Variants in DIS3 observed in about 807,000 individuals in gnomAD.
The protein encoded by DIS3 is DIS3 exosome endoribonuclease and 3'-5' exoribonuclease.
In DIS3, 103 loss-of-function variants were observed where a neutral mutation model predicts 113.0. That is an observed-to-expected ratio of 0.91 (90% CI 0.78 to 1.07). The LOEUF (loss-of-function observed/expected upper bound fraction) is 1.07. DIS3 is among the 50% of genes least tolerant of loss of function. The pLI is 0.00. For missense variants in DIS3, 1,121 were observed against 1,167.1 expected (o/e 0.96, Z 0.58); for synonymous variants, 402 against 394.3 (o/e 1.02, Z -0.23).
intron 1 of DIS3, chr13:72,781,247 G>A (rs975779728): frequency 4.5e-6 from 7 of 1,546,534 alleles, no homozygotes; most frequent in Non-Finnish European, 5.2e-6. Flanking sequence ...ATTAATAAAG[G>A]AATACGTTGG....
Position 72,754,314 on chromosome 13 carries a change from C to CTTT in DIS3, c.*5478_*5480dup. ...GCCTTGTATGCCGTTTCTTTTTTTT[C>CTTT]TTTTTTTTTTTTTTTGAGACAGGGT... On this transcript the variant is annotated 3_prime_UTR_variant, in exon 21 of 21. Coordinates refer to ENST00000377767, the MANE Select transcript of DIS3 (RefSeq NM_014953.5). 1 of 140,640 alleles carries CTTT rather than the reference C, an allele frequency of 7.1e-6. No individual in the cohort carries two copies. The highest frequency in any genetic ancestry group is 1.5e-5 in the Non-Finnish European group (1 of 66,188). The allele number at this position is 140,640 out of a possible 1,614,324, so 8.7% of individuals were successfully genotyped here.
At chr13:72,777,368 C>T (rs573373486) in intron 4 of DIS3, 52 bp downstream of exon 4, 1 of 1,560,042 alleles carries the variant, frequency 6.4e-7, no homozygotes, top group Admixed American at 1.7e-5. Context: ...CCTAATATTC[C>T]AAAGTGGCTA....
intron 2 of DIS3, among the ~76,000 whole-genome samples, chr13:72,780,512 T>C (rs1362846894): frequency 1.3e-5 from 2 of 152,110 alleles, no homozygotes; most frequent in Non-Finnish European, 2.9e-5. Flanking sequence ...TCACATAATA[T>C]GGTATTCCAG....
Position 72,760,616 on chromosome 13 carries a change from A to G in DIS3, c.2706T>C (p.His902=). ...PSLKIEDTVF[H]VFDKVKVKIM... ...TTTTCACTTTAACTTTATCAAATAC[A>G]TGGAACACTGTATCTTCTATTTTAA... Residue 902 remains histidine, a synonymous_variant, in exon 20 of 21, where the codon CAT becomes CAC. Transcript: ENST00000377767. The G allele has an allele frequency of 1.2e-6, 2 of 1,613,224 alleles. No individual in the cohort carries two copies. Among genetic ancestry groups the G allele is most frequent in the Non-Finnish European group, 8.5e-7 (1 of 1,179,370 alleles).
At position 72,755,249 on chromosome 13, in the gene DIS3, A is replaced by C; in HGVS notation, c.*4546T>G. 1 of 1,559,624 alleles carries C rather than the reference A, an allele frequency of 6.4e-7. No individual in the cohort carries two copies. The highest frequency in any genetic ancestry group is 8.8e-7 in the Non-Finnish European group (1 of 1,132,026). On this transcript the variant is annotated 3_prime_UTR_variant, in exon 21 of 21. Transcript: ENST00000377767. ...CTGTCAGAATCAAAGACTAAGCTTA[A>C]GAGTTCCTCGCATATATCGTTGTGC...
At chr13:72,777,042 A>T (rs7321404) in intron 4 of DIS3, among the ~76,000 whole-genome samples, 8,984 of 152,198 alleles carry the variant, frequency 0.059, 394 homozygotes, top group Middle Eastern at 0.14. Flanking sequence ...CTACAGAATA[A>T]GTTCTAGGTC....
At chr13:72,768,714 C>A in intron 14 of DIS3, 71 bp downstream of exon 14, 1 of 1,185,776 alleles carries the variant, frequency 8.4e-7, no homozygotes, top group Non-Finnish European at 1.2e-6. Flanking sequence ...TTAAATAATT[C>A]ATCATTGCCT....
intron 16 of DIS3, among the ~76,000 whole-genome samples, chr13:72,763,135 C>T (rs1427270800): frequency 6.6e-6 from 1 of 151,522 alleles, no homozygotes; most frequent in Admixed American, 6.6e-5. Context: ...CTACCTCTAC[C>T]AAAAAAATAC....
In DIS3 at chr13:72,766,718, C is replaced by G. The variant is rs143983359; in HGVS notation, c.1884-660G>C. Among the ~76,000 whole-genome samples the G allele has an allele frequency of 5.8e-4, 89 of 152,276 alleles. 1 individual carries two copies. In the East Asian group the frequency reaches 0.016, roughly 27 times the overall value. On this transcript the variant is annotated intron_variant, in intron 14 of 20. Coordinates refer to ENST00000377767, the MANE Select transcript of DIS3 (RefSeq NM_014953.5). The stretch of plus-strand genomic sequence containing the variant: ...GAAAGTAAATTCCCACAAGGCAAGG[C>G]AAGTCTAATGTTTCTTACACCTTGA...
At chr13:72,780,201 C>G (rs1386326752) in intron 2 of DIS3, among the ~76,000 whole-genome samples, 1 of 151,764 alleles carries the variant, frequency 6.6e-6, no homozygotes, top group East Asian at 1.9e-4. Flanking sequence ...TGGTGCGTGA[C>G]TGTAATCCCA....
chr13:72,762,604 A>T (rs1289989353), intron 16 of DIS3, among the ~76,000 whole-genome samples: 1 of 152,180 alleles, frequency 6.6e-6, no homozygotes, highest in Non-Finnish European at 1.5e-5. Flanking sequence ...TCTCTTCTAG[A>T]TGGGAAGGAT....
Position 72,772,194 on chromosome 13 carries a change from G to C in DIS3, c.1468C>G (p.Leu490Val). ...PPGCTDIDDALHCRELENGNL... is the reference protein window; with the variant it reads ...PPGCTDIDDAVHCRELENGNL... ...CCATTTTCGAGTTCTCGACAATGTA[G>C]AGCATCGTCTATATCAGTACATCCT... The change falls in exon 10 of 21, where the codon CTA (leucine) becomes GTA (valine). Residue 490 changes from leucine to valine, a missense_variant. Transcript: ENST00000377767. 6.2e-7 allele frequency: 1 copy of C among 1,613,312 alleles called. No homozygotes were observed. Among genetic ancestry groups the C allele is most frequent in the South Asian group, 1.1e-5 (1 of 91,000 alleles).
At position 72,780,957 on chromosome 13, in the gene DIS3, T is replaced by C. The variant is rs1246775389; in HGVS notation, c.275A>G (p.Gln92Arg). Residue 92 changes from glutamine to arginine, a missense_variant, in exon 2 of 21, where the codon CAA becomes CGA. By Grantham distance (43) the Gln-to-Arg change is conservative. Coordinates refer to ENST00000377767, the MANE Select transcript of DIS3 (RefSeq NM_014953.5). The stretch of plus-strand genomic sequence containing the variant: ...ATTTCTCACTTCTTGAAGAACTGTT[T>C]GTAGCACAATTACATTCCTGATGGC... Reference protein sequence around the residue: ...DPAIRNVIVLQTVLQEVRNRS... With the variant: ...DPAIRNVIVLRTVLQEVRNRS... The C allele has an allele frequency of 1.2e-6, 2 of 1,613,380 alleles. No homozygotes were observed.
chr13:72,771,014 G>C, intron 12 of DIS3, 26 bp from the exon 13 acceptor site: 1 of 1,606,412 alleles, frequency 6.2e-7, no homozygotes, highest in Non-Finnish European at 8.5e-7. Context: ...CAGAGTATTT[G>C]TTAATGGGAA....
chr13:72,768,877 A>G lies in DIS3; in HGVS notation c.1791T>C (p.Ile597=). Residue 597 remains isoleucine (I), a synonymous_variant, in exon 14 of 21, where the codon ATT becomes ATC. Transcript: ENST00000377767. ...SLTYAEAQLR[I]DSANMNDDIT... ...TATCATCATTCATGTTTGCTGAATCAATTCTCAACTGAGCTTCAGCATACG... is the reference window on the plus strand; with the variant it reads ...TATCATCATTCATGTTTGCTGAATCGATTCTCAACTGAGCTTCAGCATACG... 6.2e-7 allele frequency: 1 copy of G among 1,603,526 alleles called. No homozygotes were observed.
rs1366933478 is a variant in DIS3 at position 72,753,401 on chromosome 13, C to T, written c.*6394G>A. 2 of 230,122 alleles carry T rather than the reference C, an allele frequency of 8.7e-6. No homozygotes were observed. Among genetic ancestry groups the T allele is most frequent in the South Asian group, 1.1e-4 (1 of 9,434 alleles). The allele number at this position is 230,122 out of a possible 1,614,324, so 14.3% of individuals were successfully genotyped here. A position where few individuals can be genotyped will look rare whatever the true frequency, so the allele number is the denominator to read the frequency against. ...AATACTCATTTTTGTCTACTAGGTA[C>T]GATCACAAAATAACAGGAAAGCATT... On this transcript the variant is annotated 3_prime_UTR_variant, in exon 21 of 21. Coordinates refer to ENST00000377767, the MANE Select transcript of DIS3 (RefSeq NM_014953.5).
At position 72,757,076 on chromosome 13, in the gene DIS3, A is replaced by G. The variant is rs971369547; in HGVS notation, c.*2719T>C. On this transcript the variant is annotated 3_prime_UTR_variant, in exon 21 of 21. Coordinates refer to ENST00000377767, the MANE Select transcript of DIS3 (RefSeq NM_014953.5). ...GGAATAGAACTTAGGGGAAAATAGC[A>G]AAGTCTCTGATCATCTTGAACTACT... 4 of 152,168 alleles carry G rather than the reference A, an allele frequency of 2.6e-5. No homozygotes were observed. Among genetic ancestry groups the G allele is most frequent in the East Asian group, 1.9e-4 (1 of 5,192 alleles). 9.4% of individuals were successfully genotyped at this position (152,168 alleles called of 1,614,324 possible).
intron 14 of DIS3, 66 bp from the exon 15 acceptor site, chr13:72,766,124 T>C: frequency 2.2e-6 from 3 of 1,371,418 alleles, no homozygotes; most frequent in Non-Finnish European, 3.0e-6. Context: ...GTATAGAAAT[T>C]ATTCTTTTAA....
In DIS3 at chr13:72,757,744, G is replaced by C. The variant is rs1213783222; in HGVS notation, c.*2051C>G. 1.0e-5 allele frequency: 2 copies of C among 191,350 alleles called. No individual in the cohort carries two copies. The highest frequency in any genetic ancestry group is 2.2e-5 in the Non-Finnish European group (2 of 91,320). 11.9% of individuals were successfully genotyped at this position (191,350 alleles called of 1,614,324 possible). On this transcript the variant is annotated 3_prime_UTR_variant, in exon 21 of 21. Coordinates refer to ENST00000377767, the MANE Select transcript of DIS3 (RefSeq NM_014953.5). The stretch of plus-strand genomic sequence containing the variant: ...ACCTAGCCGGCAAACTTTTTTAAAT[G>C]GTTGGCGGGGGTGGGGGAAATCAAA...
Sources: gnomAD v4.1 joint callset for allele counts (sites outside exome capture counted in the v4.1 genomes callset) on GRCh38, gnomAD v4.1.1 for gene constraint, MANE v1.5 for transcripts, NCBI Gene and HGNC (gene_info 2026-07-23, HGNC 2026-07-21) for gene names.